Variants in HYAL4 observed in about 807,000 individuals in gnomAD.
HYAL4 encodes hyaluronidase 4.
HYAL4 carries 37 observed loss-of-function variants against 35.2 expected under a neutral mutation model. That is an observed-to-expected ratio of 1.05 (90% CI 0.81 to 1.38). HYAL4 has a LOEUF of 1.38. Among genes scored for constraint, HYAL4 ranks in the 40% most tolerant of loss-of-function variants. HYAL4 has a pLI of 0.00. For missense variants in HYAL4, 572 were observed against 572.4 expected (o/e 1.00, Z 0.01); for synonymous variants, 198 against 203.2 (o/e 0.97, Z 0.22).
upstream of HYAL4, among the ~76,000 whole-genome samples, chr7:123,824,645 T>A (rs935828758): frequency 6.6e-6 from 1 of 152,074 alleles, no homozygotes; most frequent in African/African-American, 2.4e-5. Flanking sequence ...AGCTACCACC[T>A]TGAAACTTCC....
At chr7:123,801,902 T>C in the HYAL4 span, among the ~76,000 whole-genome samples, 2 of 152,232 alleles carry the variant, frequency 1.3e-5, no homozygotes, top group Admixed American at 1.3e-4. Flanking sequence ...GACTGCCTGG[T>C]CACCTATAGA....
chr7:123,873,316 G>A (rs1806931207), intron 3 of HYAL4, among the ~76,000 whole-genome samples: 1 of 151,642 alleles, frequency 6.6e-6, no homozygotes, highest in South Asian at 2.1e-4. Flanking sequence ...ATAATCATAG[G>A]GAATGAAAAT....
the HYAL4 span, among the ~76,000 whole-genome samples, chr7:123,790,173 G>T: frequency 8.8e-4 from 134 of 152,316 alleles, 1 homozygote; most frequent in South Asian, 2.9e-3. Context: ...TTGACCGTCA[G>T]AGCTGTCATG....
upstream of HYAL4, among the ~76,000 whole-genome samples, chr7:123,826,354 G>A (rs1404076797): frequency 6.6e-6 from 1 of 152,082 alleles, no homozygotes; most frequent in African/African-American, 2.4e-5. Flanking sequence ...AGCGTAAATG[G>A]AAAGCAAGCC....
intron 2 of HYAL4, among the ~76,000 whole-genome samples, chr7:123,851,961 T>C (rs1584916685): frequency 6.6e-6 from 1 of 152,242 alleles, no homozygotes; most frequent in Admixed American, 6.5e-5. Context: ...TATCTCATTG[T>C]AGTTTTGATT....
chr7:123,868,328 C>T lies in HYAL4; in HGVS notation c.55C>T (p.Leu19Phe). ...LKLCVVQPVH[L>F]TSWLLIFFIL... ...GCTTTGTGTTGTTCAACCAGTACAT[C>T]TCACTTCATGGCTCCTTATATTTTT... Residue 19 changes from leucine (L) to phenylalanine (F), a missense_variant, in exon 3 of 5, where the codon CTC becomes TTC. Transcript: ENST00000223026. The T allele has an allele frequency of 1.9e-6, 3 of 1,592,814 alleles. No individual in the cohort carries two copies. The highest frequency in any genetic ancestry group is 2.6e-6 in the Non-Finnish European group (3 of 1,174,152).
At chr7:123,869,842 C>A (rs935711380) in intron 3 of HYAL4, among the ~76,000 whole-genome samples, 1 of 147,484 alleles carries the variant, frequency 6.8e-6, no homozygotes, top group African/African-American at 2.5e-5. Flanking sequence ...TGCTCACCCC[C>A]CCCCACCCAG....
At chr7:123,772,164 A>C in the HYAL4 span, among the ~76,000 whole-genome samples, 1 of 152,098 alleles carries the variant, frequency 6.6e-6, no homozygotes. Flanking sequence ...TCCTCATAAT[A>C]AATCTCCTTT....
chr7:123,840,550 G>A (rs1255126831), upstream of HYAL4, among the ~76,000 whole-genome samples: 1 of 151,932 alleles, frequency 6.6e-6, no homozygotes, highest in African/African-American at 2.4e-5. Flanking sequence ...TGATGGGGAT[G>A]GCATTGAATC....
the HYAL4 span, among the ~76,000 whole-genome samples, chr7:123,816,848 G>A: frequency 3.3e-5 from 5 of 151,956 alleles, no homozygotes; most frequent in African/African-American, 4.8e-5. Flanking sequence ...ACTTTCCAAC[G>A]CATTTTTTTT....
chr7:123,806,626 T>G, the HYAL4 span, among the ~76,000 whole-genome samples: 33 of 151,984 alleles, frequency 2.2e-4, 1 homozygote, highest in African/African-American at 7.7e-4. Flanking sequence ...TATTTTTTTT[T>G]TTTTCAGTAG....
the HYAL4 span, among the ~76,000 whole-genome samples, chr7:123,781,807 T>G: frequency 6.6e-6 from 1 of 152,212 alleles, no homozygotes; most frequent in Non-Finnish European, 1.5e-5. Context: ...TAAACAAAGT[T>G]TAAGTGGCTC....
In HYAL4 at chr7:123,868,542, T is replaced by G. The variant is rs749109538; in HGVS notation, c.269T>G (p.Phe90Cys). Residue 90 changes from phenylalanine (F) to cysteine (C), a missense_variant, in exon 3 of 5, where the codon TTT becomes TGT. Physicochemically the swap from Phe to Cys is radical, Grantham distance 205 (BLOSUM62 -2). Coordinates refer to ENST00000223026, the MANE Select transcript of HYAL4 (RefSeq NM_012269.3). ...AKARGQNVTI[F>C]YVNRLGYYPW... ...GCCAGGGGGCAAAATGTCACTATAT[T>G]TTATGTCAACAGATTGGGATACTAT... 6.2e-7 allele frequency: 1 copy of G among 1,611,908 alleles called. No individual in the cohort carries two copies. Among genetic ancestry groups the G allele is most frequent in the Non-Finnish European group, 8.5e-7 (1 of 1,179,584 alleles).
chr7:123,856,743 C>T (rs1258766452), intron 2 of HYAL4, among the ~76,000 whole-genome samples: 1 of 152,154 alleles, frequency 6.6e-6, no homozygotes, highest in African/African-American at 2.4e-5. Flanking sequence ...CTCTTCAGAG[C>T]CAGCAGGCAG....
At chr7:123,810,742 G>A in the HYAL4 span, among the ~76,000 whole-genome samples, 1 of 152,160 alleles carries the variant, frequency 6.6e-6, no homozygotes, top group Non-Finnish European at 1.5e-5. Context: ...TTTGACAAAT[G>A]TATAACGGCA....
In HYAL4 at chr7:123,855,103, C is replaced by T. The variant is rs571094847; in HGVS notation, c.-52+6945C>T. Among the ~76,000 whole-genome samples, 49 of 152,118 alleles carry T rather than the reference C, an allele frequency of 3.2e-4. No homozygotes were observed. In the South Asian group the frequency reaches 6.9e-3, roughly 21 times the overall value. On this transcript the variant is annotated intron_variant, in intron 2 of 4. Coordinates refer to ENST00000223026, the MANE Select transcript of HYAL4 (RefSeq NM_012269.3). Reference sequence around the variant, plus strand: ...TTTTGAACTTATATGTGTCTTTACACGTGTGATGGTTCTCCTGAATACAGC... The same window carrying T: ...TTTTGAACTTATATGTGTCTTTACATGTGTGATGGTTCTCCTGAATACAGC...
upstream of HYAL4, among the ~76,000 whole-genome samples, chr7:123,843,795 G>A (rs1340551622): frequency 6.6e-6 from 1 of 151,640 alleles, no homozygotes; most frequent in Non-Finnish European, 1.5e-5. Context: ...ATTGGCTATT[G>A]AATCTTGTGC....
At chr7:123,787,107 C>CAA in the HYAL4 span, among the ~76,000 whole-genome samples, 41 of 49,040 alleles carry the variant, frequency 8.4e-4, 1 homozygote, top group South Asian at 2.8e-3. Context: ...AACTCTGTCT[C>CAA]AAAAAAAAAA....
intron 2 of HYAL4, 40 bp from the exon 3 acceptor site, chr7:123,868,183 C>T: frequency 1.7e-6 from 1 of 587,962 alleles, no homozygotes; most frequent in Non-Finnish European, 2.8e-6. Context: ...AGTCTTTTTC[C>T]TCAAAACTAT....
Sources: gnomAD v4.1 joint callset for allele counts (sites outside exome capture counted in the v4.1 genomes callset) on GRCh38, gnomAD v4.1.1 for gene constraint, MANE v1.5 for transcripts, NCBI Gene and HGNC (gene_info 2026-07-23, HGNC 2026-07-21) for gene names.